The following CNTNAP4 variants were observed in gnomAD, a reference collection of about 807,000 sequenced individuals.
CNTNAP4 encodes contactin associated protein family member 4, also known as contactin-associated protein-like 4.
A neutral mutation model predicts 148.4 loss-of-function variants in CNTNAP4; 98 were observed. The observed-to-expected ratio is 0.66, with a 90% CI of 0.56 to 0.78. The LOEUF (loss-of-function observed/expected upper bound fraction) is 0.78, where lower values mean the gene tolerates loss of function less well. CNTNAP4 is among the 30% of genes least tolerant of loss of function. The pLI is 0.00. For missense variants in CNTNAP4, 1,935 were observed against 1,565.6 expected, an observed-to-expected ratio of 1.24 and a Z score of -3.98; for synonymous variants, 730 against 565.1, an observed-to-expected ratio of 1.29 and a Z score of -4.14.
chr16:76,298,486 A>G (rs3863450), intron 1 of CNTNAP4, among the ~76,000 whole-genome samples: 1,982 of 129,456 alleles, frequency 0.015, 29 homozygotes, highest in African/African-American at 0.049. Context: ...GTGTACATGT[A>G]TGTGTGTGTG....
At chr16:76,555,166 A>T (rs367740902) in intron 23 of CNTNAP4, among the ~76,000 whole-genome samples, 1 of 152,118 alleles carries the variant, frequency 6.6e-6, no homozygotes, top group African/African-American at 2.4e-5. Flanking sequence ...TTTTCTATTC[A>T]TCTAGACATA....
intron 3 of CNTNAP4, among the ~76,000 whole-genome samples, chr16:76,367,039 CA>C (rs1000617000): frequency 1.3e-4 from 19 of 151,588 alleles, no homozygotes; most frequent in Admixed American, 1.2e-3. Flanking sequence ...TTACATGTTA[CA>C]AAAAATTTAT....
chr16:76,283,761 C>G (rs1958778818), intron 1 of CNTNAP4, among the ~76,000 whole-genome samples: 1 of 151,940 alleles, frequency 6.6e-6, no homozygotes, highest in African/African-American at 2.4e-5. Context: ...ACCCCCATGA[C>G]ACAAGTTTAC....
intron 3 of CNTNAP4, among the ~76,000 whole-genome samples, chr16:76,362,907 G>T (rs1027222893): frequency 4.6e-5 from 7 of 151,980 alleles, no homozygotes; most frequent in African/African-American, 1.7e-4. Flanking sequence ...TAAAATAGAA[G>T]TTAATAAAAT....
chr16:76,277,541 G>C lies in CNTNAP4; in HGVS notation c.-122G>C, dbSNP rs1432211598. On this transcript the variant is annotated 5_prime_UTR_variant, in exon 1 of 24. Coordinates refer to ENST00000611870, the MANE Select transcript of CNTNAP4 (RefSeq NM_033401.5). ...GGAGGGAGGTGAGGAGGAAGGGAGG[G>C]GGAGAGACAGAGACCTAGAGGGGCT... The C allele has an allele frequency of 3.1e-6, 2 of 637,026 alleles. No homozygotes were observed. Among genetic ancestry groups the C allele is most frequent in the Non-Finnish European group, 5.6e-6 (2 of 357,486 alleles). The allele number at this position is 637,026 out of a possible 1,614,324, so 39.5% of individuals were successfully genotyped here. A position where few individuals can be genotyped will look rare whatever the true frequency, so the allele number is the denominator to read the frequency against.
intron 8 of CNTNAP4, among the ~76,000 whole-genome samples, chr16:76,460,780 A>G (rs1338460537): frequency 1.3e-5 from 1 of 77,926 alleles, no homozygotes; most frequent in Non-Finnish European, 2.8e-5. Context: ...AAAAATATAT[A>G]TATATATATA....
rs762920106 is a variant in CNTNAP4 at position 76,452,586 on chromosome 16, C to G, written c.1150C>G (p.Pro384Ala). 2 of 1,613,870 alleles carry G rather than the reference C, an allele frequency of 1.2e-6. No homozygotes were observed. The highest frequency in any genetic ancestry group is 2.2e-5 in the South Asian group (2 of 91,090). ...FLSSRSYLALPDFSGEEEVSA... is the reference protein window; with the variant it reads ...FLSSRSYLALADFSGEEEVSA... The stretch of plus-strand genomic sequence containing the variant: ...GAGCTCCAGGAGTTATTTAGCACTG[C>G]CAGACTTCTCTGGAGAGGAGGAGGT... The change falls in exon 8 of 24, where the codon CCA becomes GCA. Residue 384 changes from proline to alanine, a missense_variant. By Grantham distance (27) the Pro-to-Ala change is conservative (BLOSUM62 -1). Transcript: ENST00000611870.
chr16:76,482,146 C>G (rs2081857235), intron 12 of CNTNAP4, among the ~76,000 whole-genome samples: 1 of 151,846 alleles, frequency 6.6e-6, no homozygotes, highest in Non-Finnish European at 1.5e-5. Flanking sequence ...AGTGATGAGA[C>G]TATGCATATT....
Position 76,355,480 on chromosome 16 carries a change from G to A in CNTNAP4, c.359G>A (p.Trp120Ter), listed in dbSNP as rs746658460. The stretch of plus-strand genomic sequence containing the variant: ...ATGTTCAGTGATAGTGGCTGGAACT[G>A]GAAACAATATCGCCAAGAGGACAGC... ...LLMFSDSGWN[W>*]KQYRQEDSIW... The change falls in exon 3 of 24, where the codon TGG (tryptophan) becomes TAG (stop). Residue 120 changes from tryptophan to a stop codon, truncating the protein, a stop_gained. Transcript: ENST00000611870. LOFTEE classifies it high-confidence loss of function. 1.2e-6 allele frequency: 2 copies of A among 1,609,884 alleles called. No individual in the cohort carries two copies. The highest frequency in any genetic ancestry group is 1.7e-6 in the Non-Finnish European group (2 of 1,178,196).
chr16:76,435,360 C>G (rs1460193410), intron 4 of CNTNAP4, among the ~76,000 whole-genome samples: 1 of 152,166 alleles, frequency 6.6e-6, no homozygotes, highest in Non-Finnish European at 1.5e-5. Context: ...CTATACAAGT[C>G]AGACTATTGT....
chr16:76,390,556 G>A (rs2016888801), intron 3 of CNTNAP4, among the ~76,000 whole-genome samples: 1 of 144,656 alleles, frequency 6.9e-6, no homozygotes, highest in Non-Finnish European at 1.5e-5. Flanking sequence ...TATCTCTTCT[G>A]GCCCCATAAA....
intron 3 of CNTNAP4, among the ~76,000 whole-genome samples, chr16:76,370,385 G>A (rs1441185274): frequency 6.6e-6 from 1 of 152,130 alleles, no homozygotes; most frequent in Non-Finnish European, 1.5e-5. Flanking sequence ...ACTTCTGCAA[G>A]GACTGCCCTA....
intron 1 of CNTNAP4, among the ~76,000 whole-genome samples, chr16:76,311,673 G>A (rs1961129914): frequency 6.6e-6 from 1 of 152,174 alleles, no homozygotes; most frequent in African/African-American, 2.4e-5. Context: ...AGTAATGAGA[G>A]TGATGTTCAT....
intron 1 of CNTNAP4, among the ~76,000 whole-genome samples, chr16:76,286,975 T>C (rs541948659): frequency 6.6e-6 from 1 of 152,348 alleles, no homozygotes; most frequent in East Asian, 1.9e-4. Context: ...TTTTGTTTCA[T>C]AGTGTGTATG....
intron 1 of CNTNAP4, among the ~76,000 whole-genome samples, chr16:76,294,744 A>G (rs1049390574): frequency 1.7e-4 from 26 of 152,142 alleles, no homozygotes; most frequent in African/African-American, 6.0e-4. Context: ...CATTTCATTC[A>G]TTTATTCACT....
intron 12 of CNTNAP4, among the ~76,000 whole-genome samples, chr16:76,485,658 C>G (rs560494491): frequency 2.0e-5 from 3 of 152,274 alleles, no homozygotes; most frequent in South Asian, 4.1e-4. Flanking sequence ...AGGTCTGGGT[C>G]TCTGCATTAC....
At chr16:76,334,814 A>G (rs1402250180) in intron 2 of CNTNAP4, among the ~76,000 whole-genome samples, 3 of 152,076 alleles carry the variant, frequency 2.0e-5, no homozygotes, top group Non-Finnish European at 4.4e-5. Context: ...TTTATTCAAT[A>G]TGAGAGCTAC....
intron 21 of CNTNAP4, among the ~76,000 whole-genome samples, chr16:76,548,295 C>CTTT (rs66981960): frequency 2.3e-4 from 21 of 92,890 alleles, no homozygotes; most frequent in Non-Finnish European, 2.7e-4. Context: ...TTCACTGCAC[C>CTTT]TTTTTTTTTT....
At chr16:76,318,202 T>G (rs939236947) in intron 2 of CNTNAP4, among the ~76,000 whole-genome samples, 3 of 152,240 alleles carry the variant, frequency 2.0e-5, no homozygotes, top group African/African-American at 4.8e-5. Flanking sequence ...AAACAGAGTT[T>G]GACATTTACC....
Sources: allele counts gnomAD v4.1 joint callset (sites outside exome capture counted in the v4.1 genomes callset), GRCh38; gene constraint gnomAD v4.1.1; transcripts MANE v1.5; gene names NCBI Gene and HGNC (gene_info 2026-07-23, HGNC 2026-07-21).